TPP2: variants seen among roughly 807,000 people sequenced by gnomAD.
TPP2 encodes tripeptidyl peptidase 2, also known as tripeptidyl-peptidase 2.
TPP2 carries 34 observed loss-of-function variants against 155.9 expected under a neutral mutation model. The observed-to-expected ratio is 0.22, with a 90% CI of 0.17 to 0.29. The LOEUF (loss-of-function observed/expected upper bound fraction) is 0.29, where lower values mean the gene tolerates loss of function less well. TPP2 is among the 10% of genes least tolerant of loss of function. The probability of loss-of-function intolerance (pLI) is 1.00; values close to 1 mark genes in which losing one functional copy is unlikely to be tolerated. For missense variants in TPP2, 1,028 were observed against 1,522.3 expected (o/e 0.68, Z 5.40); for synonymous variants, 510 against 529.4 (o/e 0.96, Z 0.50).
At chr13:102,663,593 A>G (rs1333299730) in intron 25 of TPP2, 55 bp from the exon 26 acceptor site, 4 of 1,262,756 alleles carry the variant, frequency 3.2e-6, no homozygotes, top group Non-Finnish European at 4.3e-6. Flanking sequence ...TAGAGAAGAC[A>G]AATAGTCTTT....
At chr13:102,651,477 C>A (rs947379013) in intron 24 of TPP2, 80 bp downstream of exon 24, 1 of 1,422,556 alleles carries the variant, frequency 7.0e-7, no homozygotes, top group South Asian at 1.3e-5. Flanking sequence ...TATTATAAAC[C>A]TTTTTTTTAA....
intron 1 of TPP2, among the ~76,000 whole-genome samples, chr13:102,599,168 C>T (rs1401915736): frequency 6.6e-6 from 1 of 152,164 alleles, no homozygotes; most frequent in Non-Finnish European, 1.5e-5. Context: ...CAATATTTAG[C>T]TCCCACCATA....
At chr13:102,613,961 A>C in intron 2 of TPP2, 140 bp from the exon 3 acceptor site, 1 of 635,336 alleles carries the variant, frequency 1.6e-6, no homozygotes, top group Non-Finnish European at 2.7e-6. Context: ...TTAGAGTATT[A>C]AACACGTTGT....
chr13:102,598,207 A>T (rs192065150), intron 1 of TPP2, among the ~76,000 whole-genome samples: 1 of 152,254 alleles, frequency 6.6e-6, no homozygotes, highest in East Asian at 1.9e-4. Flanking sequence ...GTTATTCAAG[A>T]TCCATCTCCC....
At chr13:102,650,520 T>A (rs1432189981) in intron 23 of TPP2, among the ~76,000 whole-genome samples, 1 of 152,162 alleles carries the variant, frequency 6.6e-6, no homozygotes, top group Non-Finnish European at 1.5e-5. Context: ...AGTAAATCAA[T>A]AGTTAATGGT....
intron 1 of TPP2, among the ~76,000 whole-genome samples, chr13:102,603,311 C>T (rs1454051735): frequency 6.6e-6 from 1 of 152,100 alleles, no homozygotes; most frequent in East Asian, 1.9e-4. Flanking sequence ...ATAGGGGGAA[C>T]AGATGAAGAT....
chr13:102,639,893 A>G (rs1193212459), intron 15 of TPP2, among the ~76,000 whole-genome samples: 3 of 152,260 alleles, frequency 2.0e-5, no homozygotes, highest in Non-Finnish European at 4.4e-5. Context: ...CTATAATACC[A>G]GTGACATAAA....
At chr13:102,625,105 G>T (rs557739040) in intron 6 of TPP2, among the ~76,000 whole-genome samples, 1 of 147,736 alleles carries the variant, frequency 6.8e-6, no homozygotes, top group African/African-American at 2.5e-5. Flanking sequence ...TGATCCACCC[G>T]CCTCGGCCTC....
At chr13:102,618,079 C>T (rs74112115) in intron 4 of TPP2, among the ~76,000 whole-genome samples, 22,686 of 151,940 alleles carry the variant, frequency 0.15, 2,014 homozygotes, top group African/African-American at 0.25. Flanking sequence ...TTTTTATATA[C>T]ACTCTAGGTT....
At position 102,636,354 on chromosome 13, in the gene TPP2, A is replaced by G; in HGVS notation, c.1640A>G (p.His547Arg). The G allele has an allele frequency of 6.2e-7, 1 of 1,613,652 alleles. No individual in the cohort carries two copies. The highest frequency in any genetic ancestry group is 8.5e-7 in the Non-Finnish European group (1 of 1,179,840). ...GTTCAGGTGGCTGCACCTTCAGATCATGGCGTTGGCATTGAACCTGTATTT... is the reference window on the plus strand; with the variant it reads ...GTTCAGGTGGCTGCACCTTCAGATCGTGGCGTTGGCATTGAACCTGTATTT... ...DPVQVAAPSD[H>R]GVGIEPVFPE... Residue 547 changes from histidine to arginine, a missense_variant, in exon 13 of 30, where the codon CAT (histidine) becomes CGT (arginine). Coordinates refer to ENST00000376052, the MANE Select transcript of TPP2 (RefSeq NM_001330588.2).
intron 27 of TPP2, chr13:102,667,610 C>T (rs997987251): frequency 1.4e-5 from 5 of 354,580 alleles, no homozygotes; most frequent in Non-Finnish European, 2.0e-5. Context: ...CAATCTCAGC[C>T]AGTCAGTACA....
rs866908114 is a variant in TPP2, at chr13:102,627,296, G to A, written c.939+130G>A. ...TATAGTGTACAGGACTTTTAACAAA[G>A]CAAAAATATTTACTAATTTATTTTT... is the stretch of plus-strand genomic sequence containing the variant. On this transcript the variant is annotated intron_variant, in intron 7 of 29. Coordinates refer to ENST00000376052, the MANE Select transcript of TPP2 (RefSeq NM_001330588.2). 73 of 710,856 alleles carry A rather than the reference G, an allele frequency of 1.0e-4. No individual in the cohort carries two copies. In the Middle Eastern group the frequency reaches 3.7e-3, roughly 36 times the overall value. 44.0% of individuals were successfully genotyped at this position (710,856 alleles called of 1,614,324 possible).
intron 10 of TPP2, 85 bp downstream of exon 10, chr13:102,630,280 G>T: frequency 9.9e-7 from 1 of 1,007,768 alleles, no homozygotes; most frequent in South Asian, 1.9e-5. Context: ...AGATAAGTTT[G>T]CTAGTTTTTT....
At chr13:102,611,705 T>A (rs1254401220) in intron 2 of TPP2, among the ~76,000 whole-genome samples, 1 of 152,130 alleles carries the variant, frequency 6.6e-6, no homozygotes, top group Non-Finnish European at 1.5e-5. Context: ...ATAACAAATG[T>A]TTTCTGACCC....
chr13:102,625,164 C>CTTTT (rs71125084), intron 6 of TPP2, among the ~76,000 whole-genome samples: 4 of 73,484 alleles, frequency 5.4e-5, no homozygotes, highest in Admixed American at 3.4e-4. Context: ...GGCCACTTAA[C>CTTTT]TTTTTTTTTT....
intron 5 of TPP2, among the ~76,000 whole-genome samples, chr13:102,621,124 G>A (rs1881129420): frequency 6.6e-6 from 1 of 152,160 alleles, no homozygotes; most frequent in African/African-American, 2.4e-5. Flanking sequence ...CCTCTGTCGT[G>A]TTATTTAGAG....
rs573614137 is a variant in TPP2 at position 102,664,498 on chromosome 13, T to TA, written c.3241-287dup. On this transcript the variant is annotated intron_variant, in intron 26 of 29. Transcript: ENST00000376052. Reference sequence around the variant, plus strand: ...AATACAGAAAAGGAGTTACCTTTGTTAAAAAAAAAACTTTACATTTTTATG... The same window carrying TA: ...AATACAGAAAAGGAGTTACCTTTGTTAAAAAAAAAAACTTTACATTTTTATG... Among the ~76,000 whole-genome samples the TA allele has an allele frequency of 1.2e-3, 184 of 149,292 alleles. 1 individual carries two copies. The highest frequency in any genetic ancestry group is 3.3e-3 in the African/African-American group (133 of 40,844).
At chr13:102,600,718 A>G (rs1879366870) in intron 1 of TPP2, among the ~76,000 whole-genome samples, 2 of 151,078 alleles carry the variant, frequency 1.3e-5, no homozygotes, top group Admixed American at 6.6e-5. Flanking sequence ...TCATAGAGGG[A>G]AAAAAAAGGT....
At chr13:102,603,616 T>TG (rs2139409274) in intron 1 of TPP2, among the ~76,000 whole-genome samples, 1 of 152,164 alleles carries the variant, frequency 6.6e-6, no homozygotes, top group South Asian at 2.1e-4. Context: ...AGTAACGGGG[T>TG]GGCAGGGGTC....
Sources: allele counts gnomAD v4.1 joint callset (sites outside exome capture counted in the v4.1 genomes callset), GRCh38; gene constraint gnomAD v4.1.1; transcripts MANE v1.5; gene names NCBI Gene and HGNC (gene_info 2026-07-23, HGNC 2026-07-21).